BPNT2: variants seen among roughly 807,000 people sequenced by gnomAD.
BPNT2 encodes the protein Golgi-resident adenosine 3',5'-bisphosphate 3'-phosphatase.
Under a neutral mutation model 29.3 loss-of-function variants are expected in BPNT2, and 11 were observed. The observed-to-expected ratio is 0.38, with a 90% CI of 0.24 to 0.62. The LOEUF is 0.62. BPNT2 is among the 20% of genes least tolerant of loss of function. The pLI is 0.62. For missense variants in BPNT2, 459 were observed against 473.4 expected (o/e 0.97, Z 0.28); for synonymous variants, 195 against 187.7 (o/e 1.04, Z -0.32).
At position 56,978,912 on chromosome 8, in the gene BPNT2, A is replaced by G. The variant is rs1271112864; in HGVS notation, c.551-767T>C. On this transcript the variant is annotated intron_variant, in intron 2 of 4. Coordinates refer to ENST00000262644, the MANE Select transcript of BPNT2 (RefSeq NM_017813.5). ...CAGAGGATAGAGAGTGGGAGGAGGA[A>G]GAGAATCAGGAAAAATAACTAATGG... Among the ~76,000 whole-genome samples the G allele has an allele frequency of 2.6e-5, 4 of 152,294 alleles. No individual in the cohort carries two copies. The East Asian group carries it at 5.8e-4, about 22-fold the overall frequency.
intron 4 of BPNT2, among the ~76,000 whole-genome samples, 192 bp downstream of exon 4, chr8:56,965,999 C>T (rs1193869272): frequency 2.0e-5 from 3 of 152,152 alleles, no homozygotes; most frequent in African/African-American, 7.2e-5. Flanking sequence ...GAGACTGCTT[C>T]TTTCTAATAA....
chr8:56,993,414 C>G lies in BPNT2; in HGVS notation c.172G>C (p.Gly58Arg), dbSNP rs560769519. ...ATCTCGCGCAAGTCCACGGTGCCCC[C>G]ATCGGCCGCGGCCGCGGGCCCCGCC... ...GAAGPAAAAD[G>R]GTVDLREMLA... The change falls in exon 1 of 5, where the codon GGG becomes CGG. Residue 58 changes from glycine to arginine, a missense_variant. Gly to Arg is a moderately radical substitution (Grantham distance 125). Coordinates refer to ENST00000262644, the MANE Select transcript of BPNT2 (RefSeq NM_017813.5). 11 of 1,557,624 alleles carry G rather than the reference C, an allele frequency of 7.1e-6. No homozygotes were observed. In the South Asian group the frequency reaches 1.2e-4, roughly 17 times the overall value.
chr8:56,989,369 CT>C (rs1468939414), intron 1 of BPNT2, among the ~76,000 whole-genome samples: 2 of 125,028 alleles, frequency 1.6e-5, no homozygotes, highest in Non-Finnish European at 3.2e-5. Flanking sequence ...GAGACACCAT[CT>C]TTAAAAAAAA....
intron 1 of BPNT2, among the ~76,000 whole-genome samples, chr8:56,981,035 T>C (rs1313075029): frequency 1.3e-5 from 2 of 152,120 alleles, no homozygotes; most frequent in South Asian, 2.1e-4. Context: ...ATTTGGACTG[T>C]ATAATTCCTT....
At chr8:56,971,688 C>T (rs543166730) in intron 3 of BPNT2, among the ~76,000 whole-genome samples, 114 of 151,448 alleles carry the variant, frequency 7.5e-4, no homozygotes, top group Middle Eastern at 6.8e-3. Flanking sequence ...ACCATACATA[C>T]GTAGTGCCAT....
At position 56,959,888 on chromosome 8, in the gene BPNT2, AACAT is replaced by A. The variant is rs1373552577; in HGVS notation, c.*3901_*3904del. On this transcript the variant is annotated 3_prime_UTR_variant, in exon 5 of 5. Coordinates refer to ENST00000262644, the MANE Select transcript of BPNT2 (RefSeq NM_017813.5). ...ACTAAAAAGGTTGTTTTCCCTTATT[AACAT>A]ACAATGCCCTATTGTTAAGGCACAA... The A allele has an allele frequency of 6.6e-6, 1 of 152,226 alleles. No individual in the cohort carries two copies. The highest frequency in any genetic ancestry group is 6.5e-5 in the Admixed American group (1 of 15,282). The allele number at this position is 152,226 out of a possible 1,614,324, so 9.4% of individuals were successfully genotyped here.
At position 56,963,992 on chromosome 8, in the gene BPNT2, G is replaced by A. The variant is rs1331030877; in HGVS notation, c.881C>T (p.Thr294Ile). The change falls in exon 5 of 5, where the codon ACA becomes ATA. Residue 294 changes from threonine (T) to isoleucine (I), a missense_variant. By Grantham distance (89) the Thr-to-Ile change is moderately conservative (BLOSUM62 -1). Transcript: ENST00000262644. ...QEKADLYIHV[T>I]YIKKWDICAG... ...ACATATATCCCACTTTTTGATGTAT[G>A]TCACATGGATGTATAAATCAGCTTT... The A allele has an allele frequency of 6.2e-7, 1 of 1,612,242 alleles. No individual in the cohort carries two copies. The highest frequency in any genetic ancestry group is 8.5e-7 in the Non-Finnish European group (1 of 1,178,868).
At chr8:56,989,993 T>C (rs931296812) in intron 1 of BPNT2, among the ~76,000 whole-genome samples, 5 of 152,216 alleles carry the variant, frequency 3.3e-5, no homozygotes, top group African/African-American at 1.2e-4. Flanking sequence ...GAGGAAACTA[T>C]GGCTCAAAAA....
chr8:56,982,395 A>G (rs1341734139), intron 1 of BPNT2, among the ~76,000 whole-genome samples: 1 of 152,228 alleles, frequency 6.6e-6, no homozygotes, highest in Non-Finnish European at 1.5e-5. Flanking sequence ...TACTGGGATT[A>G]CAGGCATGAG....
intron 3 of BPNT2, among the ~76,000 whole-genome samples, chr8:56,974,160 A>C (rs556409394): frequency 6.6e-6 from 1 of 152,278 alleles, no homozygotes; most frequent in African/African-American, 2.4e-5. Flanking sequence ...GTACATCATA[A>C]ATATGCAAAA....
chr8:56,991,111 C>A (rs1234374994), intron 1 of BPNT2, among the ~76,000 whole-genome samples: 1 of 152,150 alleles, frequency 6.6e-6, no homozygotes, highest in African/African-American at 2.4e-5. Context: ...TAGGTTGATT[C>A]TCCACTTAGT....
chr8:56,990,116 G>C (rs921857970), intron 1 of BPNT2, among the ~76,000 whole-genome samples: 12 of 152,196 alleles, frequency 7.9e-5, no homozygotes, highest in African/African-American at 2.9e-4. Context: ...TACTTCTGTT[G>C]AAAGAGAGAA....
At chr8:56,992,228 C>T (rs1239026516) in intron 1 of BPNT2, among the ~76,000 whole-genome samples, 1 of 152,194 alleles carries the variant, frequency 6.6e-6, no homozygotes, top group Non-Finnish European at 1.5e-5. Flanking sequence ...TGGGTTTGCA[C>T]ATCACTGTTT....
chr8:56,993,322 G>A lies in BPNT2; in HGVS notation c.264C>T (p.Asn88=), dbSNP rs1325369677. 1.2e-5 allele frequency: 20 copies of A among 1,611,894 alleles called. No homozygotes were observed. The highest frequency in any genetic ancestry group is 1.7e-5 in the Non-Finnish European group (20 of 1,179,940). The change falls in exon 1 of 5, where the codon AAC becomes AAT. Residue 88 remains asparagine (N), a synonymous_variant. Coordinates refer to ENST00000262644, the MANE Select transcript of BPNT2 (RefSeq NM_017813.5). ...TCCCCTTGGACTTCTCGTGGAGGACGTTGCTCTCGCGGACGCGCCTCACCT... is the reference window on the plus strand; with the variant it reads ...TCCCCTTGGACTTCTCGTGGAGGACATTGCTCTCGCGGACGCGCCTCACCT... ...GDEVRRVRES[N]VLHEKSKGKT...
chr8:56,974,615 A>G (rs1017811302), intron 3 of BPNT2, among the ~76,000 whole-genome samples: 1 of 152,192 alleles, frequency 6.6e-6, no homozygotes, highest in Non-Finnish European at 1.5e-5. Flanking sequence ...TGGAAGGTCA[A>G]CCCAACATAA....
At position 56,993,572 on chromosome 8, in the gene BPNT2, C is replaced by G. The variant is rs1806456605; in HGVS notation, c.14G>C (p.Gly5Ala). 2 of 1,460,880 alleles carry G rather than the reference C, an allele frequency of 1.4e-6. No individual in the cohort carries two copies. The highest frequency in any genetic ancestry group is 2.7e-5 in the South Asian group (2 of 73,530). The allele number at this position is 1,460,880 out of a possible 1,614,324, so 90.5% of individuals were successfully genotyped here. A position where few individuals can be genotyped will look rare whatever the true frequency, so the allele number is the denominator to read the frequency against. Reference sequence around the variant, plus strand: ...CACCCCCAGTGGGGAAAGGCGGATGCCCATGGGGGCCATGGCGTGGGAAGC... The same window carrying G: ...CACCCCCAGTGGGGAAAGGCGGATGGCCATGGGGGCCATGGCGTGGGAAGC... MAPM[G>A]IRLSPLGVAV... is the part of the protein sequence containing the mutation. The change falls in exon 1 of 5, where the codon GGC becomes GCC. Residue 5 changes from glycine to alanine, a missense_variant. Physicochemically the swap from Gly to Ala is moderately conservative, Grantham distance 60. Coordinates refer to ENST00000262644, the MANE Select transcript of BPNT2 (RefSeq NM_017813.5).
chr8:56,974,729 T>C (rs1328851196), intron 3 of BPNT2, among the ~76,000 whole-genome samples: 3 of 152,220 alleles, frequency 2.0e-5, no homozygotes. Flanking sequence ...TGGGGTATTA[T>C]ATTACTAACT....
intron 3 of BPNT2, among the ~76,000 whole-genome samples, chr8:56,970,888 T>TA (rs1170125865): frequency 6.0e-5 from 9 of 150,576 alleles, no homozygotes; most frequent in South Asian, 2.1e-4. Flanking sequence ...TTCATAAAAG[T>TA]AAAAAAAAAT....
rs886063020 is a variant in BPNT2, at chr8:56,993,231, A to G, written c.355T>C (p.Tyr119His). Residue 119 changes from tyrosine (Y) to histidine (H), a missense_variant, in exon 1 of 5, where the codon TAC becomes CAC. Transcript: ENST00000262644. ...GDVLSNRKMF[Y>H]LLKTAFPSVQ... ...CTGGGGAAGGCGGTCTTGAGCAGGT[A>G]GAACATCTTGCGGTTGGACAGCACG... 1.2e-6 allele frequency: 2 copies of G among 1,605,746 alleles called. No homozygotes were observed. The highest frequency in any genetic ancestry group is 8.5e-7 in the Non-Finnish European group (1 of 1,179,762).
Sources: allele counts gnomAD v4.1 joint callset (sites outside exome capture counted in the v4.1 genomes callset), GRCh38; gene constraint gnomAD v4.1.1; transcripts MANE v1.5; gene names NCBI Gene and HGNC (gene_info 2026-07-23, HGNC 2026-07-21).